CTNND2: variants seen among roughly 807,000 people sequenced by gnomAD.
The protein encoded by CTNND2 is catenin delta-2.
A neutral mutation model predicts 144.4 loss-of-function variants in CTNND2; 22 were observed. The ratio of observed to expected loss-of-function variants is 0.15; its 90% CI spans 0.11 to 0.22. The LOEUF (loss-of-function observed/expected upper bound fraction) is 0.22, where lower values mean the gene tolerates loss of function less well. Among genes scored for constraint, CTNND2 ranks in the 10% least tolerant of loss-of-function variants. The probability of loss-of-function intolerance (pLI) is 1.00; values close to 1 mark genes in which losing one functional copy is unlikely to be tolerated. For synonymous variants in CTNND2, 751 were observed against 695.6 expected (o/e 1.08, Z -1.25); for missense variants, 1,353 against 1,618.8 (o/e 0.84, Z 2.82).
At chr5:11,122,520 T>C (rs910647649) in intron 12 of CTNND2, among the ~76,000 whole-genome samples, 16 of 151,972 alleles carry the variant, frequency 1.1e-4, no homozygotes, top group Admixed American at 7.9e-4. Context: ...CCACTGGAGT[T>C]GTCTCATACC....
intron 7 of CTNND2, among the ~76,000 whole-genome samples, chr5:11,368,986 AAT>A (rs1341001884): frequency 1.3e-5 from 2 of 152,216 alleles, no homozygotes; most frequent in Non-Finnish European, 2.9e-5. Flanking sequence ...ACCTCATGCA[AAT>A]ATATCTTTTG....
intron 3 of CTNND2, among the ~76,000 whole-genome samples, chr5:11,416,255 T>C (rs1761929107): frequency 6.6e-6 from 1 of 152,158 alleles, no homozygotes; most frequent in Admixed American, 6.5e-5. Context: ...ATCAAATGTG[T>C]TTCAATTTTA....
chr5:10,972,979 G>C lies in CTNND2; in HGVS notation c.*474C>G, dbSNP rs1414932706. 1 of 153,480 alleles carries C rather than the reference G, an allele frequency of 6.5e-6. No homozygotes were observed. The highest frequency in any genetic ancestry group is 1.5e-5 in the Non-Finnish European group (1 of 68,744). 9.5% of individuals were successfully genotyped at this position (153,480 alleles called of 1,614,324 possible). A position where few individuals can be genotyped will look rare whatever the true frequency, so the allele number is the denominator to read the frequency against. On this transcript the variant is annotated 3_prime_UTR_variant, in exon 22 of 22. Coordinates refer to ENST00000304623, the MANE Select transcript of CTNND2 (RefSeq NM_001332.4). ...ACTTTACAACAATGCATTAACAAAA[G>C]GCAAGAAACATCTTGCTGTACAGAG...
intron 9 of CTNND2, among the ~76,000 whole-genome samples, chr5:11,294,919 CACAAG>C (rs1748745940): frequency 6.6e-6 from 1 of 152,142 alleles, no homozygotes; most frequent in African/African-American, 2.4e-5. Flanking sequence ...TGAAAACTGG[CACAAG>C]ACAAGGATGC....
At chr5:11,431,421 C>T (rs1452479555) in intron 3 of CTNND2, among the ~76,000 whole-genome samples, 2 of 152,198 alleles carry the variant, frequency 1.3e-5, no homozygotes, top group East Asian at 3.9e-4. Context: ...TTCTCCCTCG[C>T]CTTGTCTCTG....
intron 16 of CTNND2, among the ~76,000 whole-genome samples, chr5:11,079,979 T>C (rs1165314563): frequency 1.3e-5 from 2 of 152,024 alleles, no homozygotes; most frequent in Non-Finnish European, 2.9e-5. Flanking sequence ...ACAAATGGGA[T>C]TGCATCAAAC....
At chr5:11,775,162 T>C (rs1790182186) in intron 1 of CTNND2, among the ~76,000 whole-genome samples, 1 of 152,178 alleles carries the variant, frequency 6.6e-6, no homozygotes, top group African/African-American at 2.4e-5. Context: ...TATTCTCCCA[T>C]TCTGGCCTTA....
chr5:11,011,946 G>C (rs569770525), intron 18 of CTNND2, among the ~76,000 whole-genome samples: 1 of 152,300 alleles, frequency 6.6e-6, no homozygotes, highest in South Asian at 2.1e-4. Flanking sequence ...AGACCAGGGG[G>C]AGAGGAGCTG....
chr5:11,145,553 G>A (rs1757160012), intron 12 of CTNND2, among the ~76,000 whole-genome samples: 1 of 152,144 alleles, frequency 6.6e-6, no homozygotes, highest in Non-Finnish European at 1.5e-5. Flanking sequence ...GGTTCCTAGA[G>A]CAACACCTAG....
chr5:11,081,993 CA>C (rs1749627550), intron 16 of CTNND2, among the ~76,000 whole-genome samples: 2 of 152,184 alleles, frequency 1.3e-5, no homozygotes, highest in South Asian at 4.1e-4. Flanking sequence ...GTGGATATCT[CA>C]ATTAAAAAGA....
intron 11 of CTNND2, among the ~76,000 whole-genome samples, chr5:11,189,888 C>T (rs1736067306): frequency 6.6e-6 from 1 of 152,180 alleles, no homozygotes; most frequent in South Asian, 2.1e-4. Flanking sequence ...GTGTGGATTT[C>T]CTAATTGGAT....
At chr5:11,323,474 G>T (rs949138867) in intron 9 of CTNND2, among the ~76,000 whole-genome samples, 4 of 152,158 alleles carry the variant, frequency 2.6e-5, no homozygotes, top group Admixed American at 1.3e-4. Context: ...AACTGAGCAA[G>T]TCATTGGGGT....
At chr5:11,328,289 C>CT (rs747493685) in intron 9 of CTNND2, among the ~76,000 whole-genome samples, 1,620 of 135,764 alleles carry the variant, frequency 0.012, 13 homozygotes, top group East Asian at 0.057. Flanking sequence ...ACACAAAATT[C>CT]TTTTTTTTTT....
chr5:11,743,249 A>C (rs1233669743), intron 1 of CTNND2, among the ~76,000 whole-genome samples: 1 of 152,182 alleles, frequency 6.6e-6, no homozygotes, highest in Non-Finnish European at 1.5e-5. Flanking sequence ...ATAATTGCTT[A>C]TGAGAGCATG....
chr5:11,171,233 C>T (rs1475750733), intron 11 of CTNND2, among the ~76,000 whole-genome samples: 1 of 152,124 alleles, frequency 6.6e-6, no homozygotes, highest in Non-Finnish European at 1.5e-5. Context: ...GGGTACTGAT[C>T]TGTGAAGGAA....
intron 3 of CTNND2, among the ~76,000 whole-genome samples, chr5:11,538,000 T>C (rs911908938): frequency 1.3e-5 from 2 of 152,212 alleles, no homozygotes; most frequent in Non-Finnish European, 2.9e-5. Flanking sequence ...AGAGCTTGTA[T>C]AGCCTTTGGT....
intron 9 of CTNND2, among the ~76,000 whole-genome samples, chr5:11,304,139 G>A (rs1309525645): frequency 6.7e-6 from 1 of 148,834 alleles, no homozygotes; most frequent in African/African-American, 2.4e-5. Flanking sequence ...GTCTTTATCA[G>A]CAGCATGAAG....
At chr5:11,220,383 G>A (rs181818131) in intron 10 of CTNND2, among the ~76,000 whole-genome samples, 1 of 152,250 alleles carries the variant, frequency 6.6e-6, no homozygotes, top group East Asian at 1.9e-4. Flanking sequence ...GGTGAAGTCT[G>A]AGAAGATCCC....
At chr5:11,256,910 T>C (rs1367774172) in intron 9 of CTNND2, among the ~76,000 whole-genome samples, 1 of 151,554 alleles carries the variant, frequency 6.6e-6, no homozygotes, top group African/African-American at 2.4e-5. Flanking sequence ...GCAACATGCC[T>C]GGCCTCTACC....
Sources: allele counts gnomAD v4.1 joint callset (sites outside exome capture counted in the v4.1 genomes callset), GRCh38; gene constraint gnomAD v4.1.1; transcripts MANE v1.5; gene names NCBI Gene and HGNC (gene_info 2026-07-23, HGNC 2026-07-21).